The following CPLANE1 variants were observed in gnomAD, a reference collection of about 807,000 sequenced individuals.
CPLANE1 encodes the protein ciliogenesis and planar polarity effector 1.
In CPLANE1, 263 loss-of-function variants were observed where a neutral mutation model predicts 362.5. That is an observed-to-expected ratio of 0.73 (90% CI 0.66 to 0.80). The LOEUF (loss-of-function observed/expected upper bound fraction) is 0.80. Among genes scored for constraint, CPLANE1 ranks in the 30% least tolerant of loss-of-function variants. CPLANE1 has a pLI of 0.00. For synonymous variants in CPLANE1, 1,212 were observed against 1,302.6 expected (o/e 0.93, Z 1.50); for missense variants, 3,461 against 3,793.4 (o/e 0.91, Z 2.30).
Position 37,114,981 on chromosome 5 carries a change from A to G in CPLANE1, c.9379T>C (p.Ser3127Pro). Residue 3127 changes from serine to proline, a missense_variant, in exon 51 of 53, where the codon TCT (serine) becomes CCT (proline). Physicochemically the swap from Ser to Pro is moderately conservative, Grantham distance 74. Around this residue, in one of 2 missense-constraint regions of CPLANE1, gnomAD observed 3,380 missense variants for 3,666.1 expected, o/e 0.92. Coordinates refer to ENST00000651892, the MANE Select transcript of CPLANE1 (RefSeq NM_001384732.1). ...TTACCTTTTTGGAAGGTAACTGGAG[A>G]CTGCGTAGCCTTTCTTACTGCTGCT... Reference protein sequence around the residue: ...AKAAVRKATQSPVTFQKGSNA... With the variant: ...AKAAVRKATQPPVTFQKGSNA... 2 of 1,609,656 alleles carry G rather than the reference A, an allele frequency of 1.2e-6. No individual in the cohort carries two copies.
chr5:37,102,359 T>C (rs1230340597), downstream of CPLANE1, among the ~76,000 whole-genome samples: 1 of 152,106 alleles, frequency 6.6e-6, no homozygotes, highest in Admixed American at 6.5e-5. Flanking sequence ...GGCTAATTTT[T>C]GTATTTTTAG....
Position 37,226,633 on chromosome 5 carries a change from T to C in CPLANE1, c.1962A>G (p.Lys654=). Reference sequence around the variant, plus strand: ...GCTTTATCAAATGCCCCACATCTTGTTTGTATCTTATATCCCAATAATGGA... The same window carrying C: ...GCTTTATCAAATGCCCCACATCTTGCTTGTATCTTATATCCCAATAATGGA... The part of the protein sequence containing the change: ...LSIHYWDIRY[K]QDVGHLIKLT... The change falls in exon 12 of 53, where the codon AAA becomes AAG. Residue 654 remains lysine, a synonymous_variant. Transcript: ENST00000651892. 1 of 1,551,470 alleles carries C rather than the reference T, an allele frequency of 6.4e-7. No individual in the cohort carries two copies. The highest frequency in any genetic ancestry group is 1.2e-5 in the South Asian group (1 of 84,052).
At chr5:37,097,456 C>T in the CPLANE1 span, among the ~76,000 whole-genome samples, 1 of 152,102 alleles carries the variant, frequency 6.6e-6, no homozygotes, top group Non-Finnish European at 1.5e-5. Flanking sequence ...AACCTATTTA[C>T]CAAAATAATG....
rs777081792 is a variant in CPLANE1, at chr5:37,153,952, T to C, written c.8161A>G (p.Lys2721Glu). Residue 2721 changes from lysine (K) to glutamate (E), a missense_variant, in exon 42 of 53, where the codon AAG becomes GAG. Physicochemically the swap from Lys to Glu is moderately conservative, Grantham distance 56 (BLOSUM62 1). Transcript: ENST00000651892. ...AGATAATCTTCTGCAGAGTCTGACT[T>C]TGTGCTCTGTCCTTTGAATCGGAAC... The part of the protein sequence containing the change: ...PEFRFKGQST[K>E]SDSAEDYLLW... 5.0e-6 allele frequency: 8 copies of C among 1,613,756 alleles called. No homozygotes were observed. The African/African-American group carries it at 1.1e-4, about 22-fold the overall frequency.
intron 47 of CPLANE1, among the ~76,000 whole-genome samples, chr5:37,123,824 C>T (rs957246931): frequency 6.6e-6 from 1 of 151,996 alleles, no homozygotes; most frequent in South Asian, 2.1e-4. Flanking sequence ...CTATTCCTAG[C>T]CAATTTATTC....
At chr5:37,163,554 ATAAG>A (rs1429008604) in intron 37 of CPLANE1, among the ~76,000 whole-genome samples, 1 of 152,222 alleles carries the variant, frequency 6.6e-6, no homozygotes, top group East Asian at 1.9e-4. Context: ...ACTAGGTAGA[ATAAG>A]AAAGTATTAA....
At chr5:37,088,636 C>T in the CPLANE1 span, among the ~76,000 whole-genome samples, 20 of 152,306 alleles carry the variant, frequency 1.3e-4, no homozygotes, top group African/African-American at 4.6e-4. Flanking sequence ...CCCCAGGCCC[C>T]GCTCGCAACT....
rs566217620 is a variant in CPLANE1 at position 37,162,630 on chromosome 5, A to C, written c.7589-64T>G. On this transcript the variant is annotated intron_variant, in intron 37 of 52. Coordinates refer to ENST00000651892, the MANE Select transcript of CPLANE1 (RefSeq NM_001384732.1). ...GCTAACAGATTACCAGGAGCCCAGC[A>C]GCACAGTACCTAACTCAATGGAAGT... 9.6e-6 allele frequency: 11 copies of C among 1,147,506 alleles called. No individual in the cohort carries two copies. The East Asian group carries it at 2.6e-4, about 27-fold the overall frequency. 71.1% of individuals were successfully genotyped at this position (1,147,506 alleles called of 1,614,324 possible). A position where few individuals can be genotyped will look rare whatever the true frequency, so the allele number is the denominator to read the frequency against.
chr5:37,121,016 C>T (rs957417066), intron 49 of CPLANE1, among the ~76,000 whole-genome samples: 1 of 152,172 alleles, frequency 6.6e-6, no homozygotes, highest in African/African-American at 2.4e-5. Context: ...CCTATGATCA[C>T]CAACAGATAT....
chr5:37,208,568 T>C (rs1408817608), intron 16 of CPLANE1, among the ~76,000 whole-genome samples: 4 of 151,776 alleles, frequency 2.6e-5, no homozygotes, highest in Admixed American at 6.6e-5. Context: ...TCCCAGCTAC[T>C]CAGGAGGCTG....
chr5:37,121,693 G>A lies in CPLANE1; in HGVS notation c.9109C>T (p.Leu3037=). ...TTGTTAGGCAATGGTTTCTGTGGTA[G>A]AGTTGGTAGCTGTACTGACTCAGAT... ...LLSESVQLPT[L]PQKPLPNKPS... Residue 3037 remains leucine, a synonymous_variant, in exon 49 of 53, where the codon CTA becomes TTA. Coordinates refer to ENST00000651892, the MANE Select transcript of CPLANE1 (RefSeq NM_001384732.1). 6.2e-7 allele frequency: 1 copy of A among 1,614,082 alleles called. No homozygotes were observed. The highest frequency in any genetic ancestry group is 8.5e-7 in the Non-Finnish European group (1 of 1,179,914).
intron 24 of CPLANE1, among the ~76,000 whole-genome samples, chr5:37,185,624 A>T (rs1212453650): frequency 6.6e-6 from 1 of 152,160 alleles, no homozygotes; most frequent in Non-Finnish European, 1.5e-5. Flanking sequence ...GAAAAATACA[A>T]ATCACAAATA....
At chr5:37,214,582 CT>C in intron 15 of CPLANE1, among the ~76,000 whole-genome samples, 1 of 152,214 alleles carries the variant, frequency 6.6e-6, no homozygotes. Flanking sequence ...TATTAAATAA[CT>C]GCATAAAATT....
At chr5:37,107,903 C>T (rs1053933907) in intron 52 of CPLANE1, 125 bp from the exon 53 acceptor site, 5 of 1,412,876 alleles carry the variant, frequency 3.5e-6, no homozygotes, top group Non-Finnish European at 4.7e-6. Context: ...CATCAAAAGG[C>T]TGAAGGAAAT....
At chr5:37,087,457 T>C in the CPLANE1 span, among the ~76,000 whole-genome samples, 1 of 151,954 alleles carries the variant, frequency 6.6e-6, no homozygotes, top group Non-Finnish European at 1.5e-5. Flanking sequence ...AGAAACACAC[T>C]CCAGCTGTTT....
rs749057824 is a variant in CPLANE1, at chr5:37,187,487, C to T, written c.4007G>A (p.Arg1336Gln). 19 of 1,613,454 alleles carry T rather than the reference C, an allele frequency of 1.2e-5. No individual in the cohort carries two copies. The highest frequency in any genetic ancestry group is 2.2e-5 in the East Asian group (1 of 44,844). Reference protein sequence around the residue: ...EWAYRMLPFSRFFNMEELIQD... With the variant: ...EWAYRMLPFSQFFNMEELIQD... ...AATAAGTTCTTCCATATTAAAAAACCGAGAGAAAGGCAGCATTCTATAAGC... is the reference window on the plus strand; with the variant it reads ...AATAAGTTCTTCCATATTAAAAAACTGAGAGAAAGGCAGCATTCTATAAGC... The change falls in exon 23 of 53, where the codon CGG becomes CAG. Residue 1336 changes from arginine (R) to glutamine (Q), a missense_variant. Coordinates refer to ENST00000651892, the MANE Select transcript of CPLANE1 (RefSeq NM_001384732.1).
Position 37,182,764 on chromosome 5 carries a change from A to C in CPLANE1, c.5417T>G (p.Ile1806Ser), listed in dbSNP as rs907377828. Residue 1806 changes from isoleucine to serine, a missense_variant, in exon 26 of 53, where the codon ATT becomes AGT. Transcript: ENST00000651892. ...FATYKAKNAI[I>S]KMVENRDTGC... ...ATAAACAATTGATATGCTTACCTTA[A>C]TAATGGCATTTTTTGCCTTATATGT... is the stretch of plus-strand genomic sequence containing the variant. 20 of 1,592,172 alleles carry C rather than the reference A, an allele frequency of 1.3e-5. No individual in the cohort carries two copies. The highest frequency in any genetic ancestry group is 1.7e-5 in the Non-Finnish European group (20 of 1,164,700).
At position 37,224,705 on chromosome 5, in the gene CPLANE1, G is replaced by GT. The variant is rs752464801; in HGVS notation, c.2326dup (p.Thr776AsnfsTer14). On this transcript the variant is annotated frameshift_variant, in exon 13 of 53. Coordinates refer to ENST00000651892, the MANE Select transcript of CPLANE1 (RefSeq NM_001384732.1). ...ATTTAATTGTGCTTGATACCATAAA[G>GT]TTTTTTTGTACAGTATTCTCCAGAG... is the stretch of plus-strand genomic sequence containing the variant. 4.5e-6 allele frequency: 7 copies of GT among 1,551,058 alleles called. No individual in the cohort carries two copies. Among genetic ancestry groups the GT allele is most frequent in the Admixed American group, 2.0e-5 (1 of 50,934 alleles).
chr5:37,241,211 T>C (rs1445003800), intron 6 of CPLANE1, among the ~76,000 whole-genome samples: 1 of 151,856 alleles, frequency 6.6e-6, no homozygotes, highest in Admixed American at 6.6e-5. Flanking sequence ...CCCAGCACTT[T>C]GGGAGGCCAA....
Sources: gnomAD v4.1 joint callset for allele counts (sites outside exome capture counted in the v4.1 genomes callset) on GRCh38, gnomAD v4.1.1 for gene constraint, gnomAD v4.1.1 regional missense constraint, MANE v1.5 for transcripts, NCBI Gene and HGNC (gene_info 2026-07-23, HGNC 2026-07-21) for gene names.